The following NDC80 variants were observed in gnomAD, a reference collection of about 807,000 sequenced individuals.
NDC80 encodes NDC80 kinetochore complex component, also known as kinetochore protein NDC80 homolog.
A neutral mutation model predicts 89.3 loss-of-function variants in NDC80; 69 were observed. The ratio of observed to expected loss-of-function variants is 0.77; its 90% CI spans 0.64 to 0.94. The LOEUF is 0.94. Among genes scored for constraint, NDC80 ranks in the 40% least tolerant of loss-of-function variants. The probability of loss-of-function intolerance (pLI) is 0.00; values close to 1 mark genes in which losing one functional copy is unlikely to be tolerated. For synonymous variants in NDC80, 243 were observed against 255.6 expected, an observed-to-expected ratio of 0.95 and a Z score of 0.47; for missense variants, 593 against 739.6, an observed-to-expected ratio of 0.80 and a Z score of 2.30.
intron 10 of NDC80, among the ~76,000 whole-genome samples, chr18:2,593,383 G>C (rs527894957): frequency 1.3e-3 from 192 of 152,232 alleles, no homozygotes; most frequent in Non-Finnish European, 2.0e-3. Context: ...AGATCCAGTA[G>C]TTCTTAAACA....
chr18:2,589,757 T>G (rs556803860), intron 9 of NDC80, among the ~76,000 whole-genome samples: 1 of 136,394 alleles, frequency 7.3e-6, no homozygotes, highest in African/African-American at 3.8e-5. Flanking sequence ...GCATTATTAG[T>G]GAAGCACTCA....
intron 13 of NDC80, among the ~76,000 whole-genome samples, chr18:2,603,351 T>TTTTATATATATATA (rs1808476826): frequency 1.2e-5 from 1 of 80,916 alleles, no homozygotes; most frequent in African/African-American, 5.0e-5. Context: ...GAGAATATGT[T>TTTTATATATATATA]TATACATATA....
chr18:2,614,754 A>G (rs1444306792), intron 16 of NDC80, among the ~76,000 whole-genome samples: 1 of 152,222 alleles, frequency 6.6e-6, no homozygotes, highest in Non-Finnish European at 1.5e-5. Context: ...TAGGTTGAAT[A>G]GTGCCCCCCG....
At chr18:2,582,604 A>T (rs773382657) in intron 6 of NDC80, 1 of 152,174 alleles carries the variant, frequency 6.6e-6, no homozygotes, top group African/African-American at 2.4e-5. Context: ...TGTATCGTTT[A>T]GTATGATATA....
chr18:2,610,084 C>T (rs751316040), intron 15 of NDC80, among the ~76,000 whole-genome samples: 9 of 152,168 alleles, frequency 5.9e-5, no homozygotes, highest in Non-Finnish European at 1.3e-4. Context: ...ATTTTAGCCA[C>T]ACTATATAAT....
intron 12 of NDC80, 74 bp from the exon 13 acceptor site, chr18:2,601,322 G>T: frequency 1.8e-6 from 1 of 563,890 alleles, no homozygotes; most frequent in Non-Finnish European, 2.9e-6. Flanking sequence ...TCCTATCACA[G>T]TGTGTAGATG....
At chr18:2,583,537 C>A (rs942756219) in intron 6 of NDC80, among the ~76,000 whole-genome samples, 8 of 151,888 alleles carry the variant, frequency 5.3e-5, no homozygotes, top group African/African-American at 1.9e-4. Flanking sequence ...CCCGTCTCTA[C>A]TAAAAATGCA....
intron 14 of NDC80, 31 bp downstream of exon 14, chr18:2,606,538 A>G: frequency 1.4e-6 from 2 of 1,427,586 alleles, no homozygotes; most frequent in South Asian, 1.2e-5. Flanking sequence ...TGCGTAGGTT[A>G]TCAAAAGCTA....
chr18:2,574,894 G>A, intron 2 of NDC80, 95 bp from the exon 3 acceptor site: 1 of 748,974 alleles, frequency 1.3e-6, no homozygotes, highest in Non-Finnish European at 2.2e-6. Flanking sequence ...TTTATAGCTA[G>A]TGGGGAAGAG....
intron 16 of NDC80, among the ~76,000 whole-genome samples, chr18:2,612,242 G>C (rs2072748429): frequency 7.0e-6 from 1 of 141,946 alleles, no homozygotes; most frequent in South Asian, 2.3e-4. Context: ...AAACAGTTGT[G>C]AACATCCTTA....
rs74873324 is a variant in NDC80 at position 2,587,844 on chromosome 18, C to T, written c.684C>T (p.Tyr228=). 14,338 of 1,612,872 alleles carry T rather than the reference C, an allele frequency of 8.9e-3. 102 individuals carry two copies. Among genetic ancestry groups the T allele is most frequent in the Non-Finnish European group, 0.011 (13,290 of 1,179,014 alleles). ...GIMHNKLFLD[Y]TIKCYESFMS... is the part of the protein sequence containing the mutation. Reference sequence around the variant, plus strand: ...TAACCCCATAGTTGTTTTTGGACTACACCATAAAATGCTATGAGAGTTTTA... The same window carrying T: ...TAACCCCATAGTTGTTTTTGGACTATACCATAAAATGCTATGAGAGTTTTA... Residue 228 remains tyrosine (Y), a synonymous_variant, in exon 8 of 17, where the codon TAC becomes TAT. Coordinates refer to ENST00000261597, the MANE Select transcript of NDC80 (RefSeq NM_006101.3).
chr18:2,575,274 A>C (rs1422105745), intron 3 of NDC80, among the ~76,000 whole-genome samples: 1 of 152,198 alleles, frequency 6.6e-6, no homozygotes, highest in Non-Finnish European at 1.5e-5. Context: ...TCATTGTTAC[A>C]AGTAAATAGT....
intron 2 of NDC80, among the ~76,000 whole-genome samples, chr18:2,574,145 C>T (rs73378215): frequency 0.063 from 9,556 of 152,064 alleles, 509 homozygotes; most frequent in African/African-American, 0.14. Flanking sequence ...AGCACATGTT[C>T]TCATAGGTGG....
At chr18:2,598,147 G>C (rs574345392) in intron 11 of NDC80, among the ~76,000 whole-genome samples, 19 of 152,262 alleles carry the variant, frequency 1.2e-4, no homozygotes, top group Admixed American at 9.8e-4. Context: ...TTGCAAATTG[G>C]TTAAGCAAGT....
chr18:2,596,248 A>G (rs1298238288), intron 11 of NDC80, among the ~76,000 whole-genome samples: 1 of 152,194 alleles, frequency 6.6e-6, no homozygotes, highest in Non-Finnish European at 1.5e-5. Flanking sequence ...AGCCTACAAA[A>G]TGGGAGAAAA....
Position 2,612,276 on chromosome 18 carries a change from C to CTTTTTTTTTT in NDC80, c.1791+1439_1791+1448dup, listed in dbSNP as rs55648444. On this transcript the variant is annotated intron_variant, in intron 16 of 16. Coordinates refer to ENST00000261597, the MANE Select transcript of NDC80 (RefSeq NM_006101.3). ...TAGCACCTCTGACTTTCTTTTCTTT[C>CTTTTTTTTTT]TTTTTTTTTTTTTTTTTTTTTTTTT... is the stretch of plus-strand genomic sequence containing the variant. Among the ~76,000 whole-genome samples the CTTTTTTTTTT allele has an allele frequency of 1.7e-3, 104 of 60,404 alleles. 4 individuals are homozygous for CTTTTTTTTTT. Among genetic ancestry groups the CTTTTTTTTTT allele is most frequent in the African/African-American group, 3.7e-3 (57 of 15,514 alleles). 39.6% of individuals were successfully genotyped at this position (60,404 alleles called of 152,430 possible).
intron 6 of NDC80, among the ~76,000 whole-genome samples, chr18:2,581,875 T>A (rs1259830413): frequency 6.6e-6 from 1 of 152,220 alleles, no homozygotes; most frequent in Non-Finnish European, 1.5e-5. Context: ...TTTCAGATTT[T>A]AACAAAATCT....
chr18:2,590,223 A>G, intron 10 of NDC80, 61 bp downstream of exon 10: 2 of 1,443,440 alleles, frequency 1.4e-6, no homozygotes, highest in Non-Finnish European at 1.8e-6. Context: ...GTCACATGTA[A>G]AAACAGCTTT....
At chr18:2,605,268 ATATG>A (rs1235560658) in intron 13 of NDC80, among the ~76,000 whole-genome samples, 51 of 93,512 alleles carry the variant, frequency 5.5e-4, no homozygotes, top group African/African-American at 1.7e-3. Context: ...CGGGCGGGCT[ATATG>A]TATGTGTGTG....
Sources: gnomAD v4.1 joint callset for allele counts (sites outside exome capture counted in the v4.1 genomes callset) on GRCh38, gnomAD v4.1.1 for gene constraint, MANE v1.5 for transcripts, NCBI Gene and HGNC (gene_info 2026-07-23, HGNC 2026-07-21) for gene names.